GPBP1: variants seen among roughly 807,000 people sequenced by gnomAD.
The protein encoded by GPBP1 is vasculin.
A neutral mutation model predicts 56.5 loss-of-function variants in GPBP1; 13 were observed. The observed-to-expected ratio is 0.23, with a 90% confidence interval of 0.15 to 0.37. GPBP1 has a LOEUF of 0.37. Ranked by LOEUF, GPBP1 falls within the 10% of genes least tolerant of loss-of-function variation. The pLI, the probability that GPBP1 is intolerant of heterozygous loss-of-function variation, is 1.00. For missense variants in GPBP1, 477 were observed against 572.3 expected (o/e 0.83, Z 1.70); for synonymous variants, 204 against 188.9 (o/e 1.08, Z -0.66).
intron 9 of GPBP1, among the ~76,000 whole-genome samples, chr5:57,250,709 A>AT (rs1173022114): frequency 1.3e-5 from 2 of 151,618 alleles, no homozygotes; most frequent in South Asian, 2.1e-4. Flanking sequence ...CGCCCAGCTA[A>AT]TTTTTTTGTA....
At chr5:57,195,980 C>CAA (rs1181097227) in intron 2 of GPBP1, among the ~76,000 whole-genome samples, 552 of 29,592 alleles carry the variant, frequency 0.019, 22 homozygotes, top group African/African-American at 0.051. Context: ...AACTCCATCT[C>CAA]AAAAAAAAAA....
intron 10 of GPBP1, among the ~76,000 whole-genome samples, chr5:57,254,630 G>A (rs1357838884): frequency 6.6e-6 from 1 of 151,856 alleles, no homozygotes; most frequent in Non-Finnish European, 1.5e-5. Flanking sequence ...GGGAGGCAGA[G>A]GTTGCAGTGA....
chr5:57,215,967 T>G (rs1755682188), intron 3 of GPBP1, among the ~76,000 whole-genome samples: 1 of 152,082 alleles, frequency 6.6e-6, no homozygotes, highest in African/African-American at 2.4e-5. Flanking sequence ...AGAGACTGCT[T>G]CTTACCCTTG....
intron 3 of GPBP1, chr5:57,221,442 A>G: frequency 8.4e-7 from 1 of 1,184,882 alleles, no homozygotes; most frequent in Admixed American, 2.2e-5. Flanking sequence ...AAAAATTTAG[A>G]TAACTAGCAA....
chr5:57,234,209 A>G (rs1397487916), intron 5 of GPBP1, among the ~76,000 whole-genome samples: 1 of 152,150 alleles, frequency 6.6e-6, no homozygotes, highest in African/African-American at 2.4e-5. Context: ...TTTATTTAAT[A>G]TATATTAAGT....
chr5:57,235,047 C>T (rs1359015637), intron 5 of GPBP1, among the ~76,000 whole-genome samples: 1 of 152,118 alleles, frequency 6.6e-6, no homozygotes, highest in Admixed American at 6.6e-5. Context: ...TGGCTCACTC[C>T]TGTAATCCCA....
intron 2 of GPBP1, among the ~76,000 whole-genome samples, chr5:57,206,694 T>A (rs556737647): frequency 6.4e-4 from 91 of 142,352 alleles, no homozygotes; most frequent in African/African-American, 2.2e-3. Flanking sequence ...TTGTATATGG[T>A]TTGGGTAGGG....
At chr5:57,252,431 C>G in intron 10 of GPBP1, among the ~76,000 whole-genome samples, 1 of 152,060 alleles carries the variant, frequency 6.6e-6, no homozygotes, top group East Asian at 1.9e-4. Flanking sequence ...CACTCTGTCA[C>G]CCAGGCCGGA....
Position 57,177,648 on chromosome 5 carries a change from C to CTTTTTTT in GPBP1, c.-58+1272_-58+1278dup, listed in dbSNP as rs58708281. Among the ~76,000 whole-genome samples the CTTTTTTT allele has an allele frequency of 3.5e-3, 321 of 92,196 alleles. 14 individuals are homozygous for CTTTTTTT. The highest frequency in any genetic ancestry group is 4.2e-3 in the Non-Finnish European group (215 of 50,776). 60.5% of individuals were successfully genotyped at this position (92,196 alleles called of 152,430 possible). On this transcript the variant is annotated intron_variant, in intron 2 of 11. Coordinates refer to ENST00000506184, the MANE Select transcript of GPBP1 (RefSeq NM_022913.4). ...GCCACCACGCTCGGCCAATTTTTGC[C>CTTTTTTT]TTTTTTTTTTTTTTTTTTTTTTTTT...
intron 2 of GPBP1, among the ~76,000 whole-genome samples, chr5:57,178,474 G>C (rs1374490917): frequency 6.6e-6 from 1 of 152,130 alleles, no homozygotes; most frequent in Admixed American, 6.6e-5. Flanking sequence ...TTGAACTCCT[G>C]ACCTCAGATG....
intron 3 of GPBP1, among the ~76,000 whole-genome samples, chr5:57,224,024 G>A (rs1291868895): frequency 4.0e-5 from 6 of 151,422 alleles, no homozygotes; most frequent in Non-Finnish European, 7.4e-5. Context: ...TAGTAGAGAC[G>A]GGGTTTCACC....
chr5:57,208,984 C>T (rs900203566), intron 2 of GPBP1, among the ~76,000 whole-genome samples: 4 of 152,172 alleles, frequency 2.6e-5, no homozygotes, highest in African/African-American at 9.7e-5. Flanking sequence ...GGTCTTTTAA[C>T]ATTTCTTTCA....
At chr5:57,223,973 A>G (rs1472791678) in intron 3 of GPBP1, among the ~76,000 whole-genome samples, 1 of 151,484 alleles carries the variant, frequency 6.6e-6, no homozygotes, top group Non-Finnish European at 1.5e-5. Context: ...AGCTGGGACT[A>G]TAGGCGCCCG....
chr5:57,240,031 T>TG (rs983348464), intron 6 of GPBP1, among the ~76,000 whole-genome samples: 5 of 152,000 alleles, frequency 3.3e-5, no homozygotes, highest in African/African-American at 9.7e-5. Context: ...GAGCACAGGA[T>TG]GGGGGTATCA....
intron 2 of GPBP1, among the ~76,000 whole-genome samples, chr5:57,191,371 G>C (rs1754518077): frequency 6.6e-6 from 1 of 152,204 alleles, no homozygotes; most frequent in East Asian, 1.9e-4. Context: ...TTGAATTACA[G>C]GTGTGAGCCG....
intron 6 of GPBP1, among the ~76,000 whole-genome samples, chr5:57,245,218 G>GT: frequency 6.6e-6 from 1 of 152,194 alleles, no homozygotes; most frequent in East Asian, 1.9e-4. Flanking sequence ...GTCAACATGT[G>GT]TTTAATTTTT....
chr5:57,246,238 G>A, intron 6 of GPBP1, 62 bp from the exon 7 acceptor site: 2 of 1,357,338 alleles, frequency 1.5e-6, no homozygotes, highest in Non-Finnish European at 2.0e-6. Flanking sequence ...TCTTTTGGTG[G>A]TTTTATTCTA....
At chr5:57,217,993 T>G (rs1755772424) in intron 3 of GPBP1, among the ~76,000 whole-genome samples, 1 of 152,222 alleles carries the variant, frequency 6.6e-6, no homozygotes. Context: ...TCAGGCAAGC[T>G]GTGTTCATTT....
At chr5:57,262,551 A>C in intron 11 of GPBP1, 43 bp from the exon 12 acceptor site, 4 of 1,433,990 alleles carry the variant, frequency 2.8e-6, no homozygotes, top group Non-Finnish European at 3.9e-6. Context: ...TAGGTTTGTA[A>C]CTCTTGAGGG....
Sources: allele counts gnomAD v4.1 joint callset (sites outside exome capture counted in the v4.1 genomes callset), GRCh38; gene constraint gnomAD v4.1.1; transcripts MANE v1.5; gene names NCBI Gene and HGNC (gene_info 2026-07-23, HGNC 2026-07-21).